PLEKHG1: variants seen among roughly 807,000 people sequenced by gnomAD.
The protein encoded by PLEKHG1 is pleckstrin homology and RhoGEF domain containing G1, also known as pleckstrin homology domain-containing family G member 1.
Under a neutral mutation model 100.8 loss-of-function variants are expected in PLEKHG1, and 44 were observed. The ratio of observed to expected loss-of-function variants is 0.44; its 90% CI spans 0.34 to 0.56. PLEKHG1 has a LOEUF of 0.56. Ranked by LOEUF, PLEKHG1 falls within the 20% of genes least tolerant of loss-of-function variation. PLEKHG1 has a pLI of 0.01. For missense variants in PLEKHG1, 1,545 were observed against 1,720.9 expected (o/e 0.90, Z 1.81); for synonymous variants, 640 against 662.5 (o/e 0.97, Z 0.52).
At chr6:150,807,243 A>G (rs6903862) in intron 7 of PLEKHG1, among the ~76,000 whole-genome samples, 6,809 of 152,260 alleles carry the variant, frequency 0.045, 236 homozygotes, top group African/African-American at 0.096. Context: ...GTATATTTAG[A>G]GGTCAATACT....
chr6:150,677,983 T>C (rs1779815012), intron 3 of PLEKHG1, among the ~76,000 whole-genome samples: 1 of 150,362 alleles, frequency 6.7e-6, no homozygotes, highest in Admixed American at 6.6e-5. Flanking sequence ...CCTGACTTTT[T>C]GTAGCAAAGT....
rs1049062618 is a variant in PLEKHG1 at position 150,599,902 on chromosome 6, C to A, written c.-319C>A. 3 of 189,534 alleles carry A rather than the reference C, an allele frequency of 1.6e-5. No individual in the cohort carries two copies. In the South Asian group the frequency reaches 2.3e-4, roughly 15 times the overall value. The allele number at this position is 189,534 out of a possible 1,614,324, so 11.7% of individuals were successfully genotyped here. ...CGGAGCCCGAGCCTGAGCCCGAGCCCGAGCCCGACGGCGGCTGCAGGGCGC... is the reference window on the plus strand; with the variant it reads ...CGGAGCCCGAGCCTGAGCCCGAGCCAGAGCCCGACGGCGGCTGCAGGGCGC... On this transcript the variant is annotated 5_prime_UTR_variant, in exon 1 of 4. Transcript: ENST00000367326.
intron 2 of PLEKHG1, among the ~76,000 whole-genome samples, chr6:150,749,276 G>T (rs918113210): frequency 3.9e-5 from 6 of 152,248 alleles, no homozygotes; most frequent in Middle Eastern, 3.4e-3. Flanking sequence ...ATACTTGATT[G>T]CCCAGTTGTC....
intron 3 of PLEKHG1, among the ~76,000 whole-genome samples, chr6:150,777,912 C>T (rs1414288725): frequency 6.6e-6 from 1 of 152,266 alleles, no homozygotes; most frequent in African/African-American, 2.4e-5. Context: ...AGAATCATCC[C>T]GTGTCTGGTA....
chr6:150,829,820 G>C (rs1445650247), intron 14 of PLEKHG1, among the ~76,000 whole-genome samples: 1 of 152,060 alleles, frequency 6.6e-6, no homozygotes, highest in Non-Finnish European at 1.5e-5. Flanking sequence ...CATGTTCGTG[G>C]TGGGTCTGCA....
intron 3 of PLEKHG1, among the ~76,000 whole-genome samples, chr6:150,673,384 G>A (rs1270199625): frequency 6.6e-6 from 1 of 152,194 alleles, no homozygotes; most frequent in Non-Finnish European, 1.5e-5. Context: ...AGACATGGAA[G>A]GATCCCCAGG....
chr6:150,680,201 G>A (rs1182111045), intron 3 of PLEKHG1, among the ~76,000 whole-genome samples: 2 of 152,182 alleles, frequency 1.3e-5, no homozygotes, highest in African/African-American at 4.8e-5. Flanking sequence ...TACTAGTACA[G>A]ATGGAAGATG....
At chr6:150,829,253 T>G (rs1375696941) in intron 14 of PLEKHG1, among the ~76,000 whole-genome samples, 4 of 152,254 alleles carry the variant, frequency 2.6e-5, no homozygotes, top group Admixed American at 2.6e-4. Context: ...TGCTCCTGTC[T>G]GCACCACTGA....
At chr6:150,786,506 A>G in intron 4 of PLEKHG1, 47 bp downstream of exon 5, 1 of 1,237,222 alleles carries the variant, frequency 8.1e-7, no homozygotes, top group Non-Finnish European at 1.2e-6. Flanking sequence ...GATACAGAGT[A>G]CAGAATTTTT....
chr6:150,653,872 T>C (rs921326762), intron 3 of PLEKHG1, among the ~76,000 whole-genome samples: 15 of 152,198 alleles, frequency 9.9e-5, no homozygotes, highest in Admixed American at 3.3e-4. Flanking sequence ...AATGGCATGT[T>C]GTTAGGTTAG....
intron 1 of PLEKHG1, among the ~76,000 whole-genome samples, chr6:150,617,362 ATTG>A (rs1777115969): frequency 6.6e-6 from 1 of 152,220 alleles, no homozygotes; most frequent in Non-Finnish European, 1.5e-5. Context: ...AGTCAACGGA[ATTG>A]TTGTTTCTAT....
At chr6:150,833,253 G>A (rs803409) in intron 15 of PLEKHG1, among the ~76,000 whole-genome samples, 93,245 of 151,270 alleles carry the variant, frequency 0.62, 30,683 homozygotes, top group Non-Finnish European at 0.72. Context: ...GGATTTTACC[G>A]TGTTGCCCAG....
rs58672381 is a variant in PLEKHG1 at position 150,822,150 on chromosome 6, CAAAAAAAAAAAAA to C, written c.1447+933_1447+945del. Reference sequence around the variant, plus strand: ...GCCACCACGCCCAGCCCAAAGGACTCAAAAAAAAAAAAAAAAAAAAAAAAAAAAGAATAGGGCA... The same window carrying C: ...GCCACCACGCCCAGCCCAAAGGACTCAAAAAAAAAAAAAAAGAATAGGGCA... On this transcript the variant is annotated intron_variant, in intron 13 of 15. Coordinates refer to ENST00000358517, the Ensembl canonical transcript of PLEKHG1. 4.9e-4 allele frequency among the ~76,000 whole-genome samples: 18 copies of C among 36,742 alleles called. No homozygotes were observed. In the South Asian group the frequency reaches 0.011, roughly 23 times the overall value. 24.1% of individuals were successfully genotyped at this position (36,742 alleles called of 152,430 possible).
At chr6:150,646,579 C>T (rs546979002) in intron 2 of PLEKHG1, among the ~76,000 whole-genome samples, 1 of 152,188 alleles carries the variant, frequency 6.6e-6, no homozygotes, top group South Asian at 2.1e-4. Context: ...TTGTTACTTG[C>T]TGATGTCTAT....
chr6:150,813,969 G>A (rs1444785197), intron 10 of PLEKHG1, among the ~76,000 whole-genome samples: 1 of 152,160 alleles, frequency 6.6e-6, no homozygotes, highest in Admixed American at 6.5e-5. Context: ...AGATTTCTGA[G>A]AAAGGGGACA....
chr6:150,639,362 T>C (rs1343539447), intron 2 of PLEKHG1, among the ~76,000 whole-genome samples: 1 of 152,226 alleles, frequency 6.6e-6, no homozygotes, highest in Non-Finnish European at 1.5e-5. Flanking sequence ...ATGGAATACA[T>C]AATGATGTTC....
At chr6:150,823,475 G>C (rs1418688599) in intron 13 of PLEKHG1, among the ~76,000 whole-genome samples, 179 bp from the exon 15 acceptor site, 2 of 152,280 alleles carry the variant, frequency 1.3e-5, no homozygotes, top group East Asian at 1.9e-4. Flanking sequence ...ATGTAGTGTG[G>C]GGGTATGCAG....
At chr6:150,685,022 C>T (rs553357770) in intron 3 of PLEKHG1, among the ~76,000 whole-genome samples, 7 of 152,282 alleles carry the variant, frequency 4.6e-5, no homozygotes, top group African/African-American at 1.7e-4. Flanking sequence ...ATTCTCAGCC[C>T]TTGCAGTTTC....
chr6:150,795,761 G>C, intron 4 of PLEKHG1, 95 bp from the exon 6 acceptor site: 2 of 670,314 alleles, frequency 3.0e-6, no homozygotes, highest in Non-Finnish European at 2.6e-6. Context: ...ATATATAAAT[G>C]TCAAGGCCCG....
Sources: gnomAD v4.1 joint callset for allele counts (sites outside exome capture counted in the v4.1 genomes callset) on GRCh38, gnomAD v4.1.1 for gene constraint, MANE v1.5 for transcripts, NCBI Gene and HGNC (gene_info 2026-07-23, HGNC 2026-07-21) for gene names.